Variants in ADK observed in about 807,000 individuals in gnomAD.
ADK encodes N6,N6-dimethyladenosine kinase.
Under a neutral mutation model 44.7 loss-of-function variants are expected in ADK, and 24 were observed. That is an observed-to-expected ratio of 0.54 (90% CI 0.39 to 0.76). The LOEUF (loss-of-function observed/expected upper bound fraction) is 0.76. Among genes scored for constraint, ADK ranks in the 30% least tolerant of loss-of-function variants. ADK has a pLI of 0.00. For synonymous variants in ADK, 128 were observed against 142.6 expected (o/e 0.90, Z 0.73); for missense variants, 321 against 425.1 (o/e 0.76, Z 2.15).
chr10:74,576,964 C>T (rs1211067384), intron 7 of ADK, among the ~76,000 whole-genome samples: 3 of 152,068 alleles, frequency 2.0e-5, no homozygotes, highest in Admixed American at 2.0e-4. Context: ...TTGGCTATTT[C>T]ATTATTAAAT....
chr10:74,657,586 A>C (rs913670580), intron 9 of ADK, among the ~76,000 whole-genome samples: 5 of 152,230 alleles, frequency 3.3e-5, no homozygotes, highest in Non-Finnish European at 7.3e-5. Flanking sequence ...ATGTATAGTG[A>C]GTTCATACTG....
intron 3 of ADK, among the ~76,000 whole-genome samples, chr10:74,258,904 T>C (rs1029310178): frequency 6.6e-6 from 1 of 151,808 alleles, no homozygotes; most frequent in African/African-American, 2.4e-5. Context: ...ATATAAGAAT[T>C]CCTTGAGTGA....
At chr10:74,291,827 G>A (rs1419597567) in intron 3 of ADK, among the ~76,000 whole-genome samples, 3 of 150,916 alleles carry the variant, frequency 2.0e-5, no homozygotes, top group African/African-American at 4.9e-5. Flanking sequence ...ATGATTTCAC[G>A]CTTCAGTTTT....
intron 8 of ADK, among the ~76,000 whole-genome samples, chr10:74,595,060 C>T (rs919661214): frequency 1.3e-5 from 2 of 151,568 alleles, no homozygotes; most frequent in Non-Finnish European, 2.9e-5. Flanking sequence ...GCCTATAATC[C>T]CAGCTACTTG....
intron 6 of ADK, among the ~76,000 whole-genome samples, chr10:74,458,030 T>TAAAATTTTAAAAATTTTAAAA (rs1241384275): frequency 6.8e-6 from 1 of 148,086 alleles, no homozygotes; most frequent in Non-Finnish European, 1.5e-5. Flanking sequence ...AAAATAATAA[T>TAAAATTTTAAAAATTTTAAAA]AAAATTTTAA....
intron 9 of ADK, among the ~76,000 whole-genome samples, chr10:74,669,094 A>G (rs573402979): frequency 3.3e-5 from 5 of 152,308 alleles, no homozygotes; most frequent in East Asian, 1.9e-4. Flanking sequence ...CTCTTCTTGA[A>G]TATCAGTCAT....
At chr10:74,475,193 A>G (rs1449668462) in intron 6 of ADK, among the ~76,000 whole-genome samples, 3 of 152,212 alleles carry the variant, frequency 2.0e-5, no homozygotes, top group Non-Finnish European at 2.9e-5. Flanking sequence ...TTATATCAAT[A>G]GGGCTCATGG....
intron 4 of ADK, among the ~76,000 whole-genome samples, chr10:74,378,456 A>G (rs1406629590): frequency 2.6e-5 from 4 of 152,046 alleles, no homozygotes; most frequent in Admixed American, 2.0e-4. Context: ...TTTTAGTATA[A>G]TTTTCTTCTT....
intron 3 of ADK, among the ~76,000 whole-genome samples, chr10:74,279,151 C>T (rs187643886): frequency 3.3e-5 from 5 of 151,980 alleles, no homozygotes; most frequent in African/African-American, 9.7e-5. Flanking sequence ...TAGTGGTGGG[C>T]GCCTGTAATC....
rs1847830056 is a variant in ADK, at chr10:74,499,799, T to C, written c.556-25457T>C. Among the ~76,000 whole-genome samples the C allele has an allele frequency of 2.0e-5, 3 of 152,358 alleles. No homozygotes were observed. The South Asian group carries it at 6.2e-4, about 32-fold the overall frequency. ...AATTGGAAACAAATTCAGAGCTAATTCAAGACGCCTCTGCCATGTATTTCT... is the reference window on the plus strand; with the variant it reads ...AATTGGAAACAAATTCAGAGCTAATCCAAGACGCCTCTGCCATGTATTTCT... On this transcript the variant is annotated intron_variant, in intron 6 of 10. Coordinates refer to ENST00000539909, the MANE Select transcript of ADK (RefSeq NM_006721.4).
At chr10:74,490,346 A>G (rs1189388628) in intron 6 of ADK, among the ~76,000 whole-genome samples, 1 of 152,122 alleles carries the variant, frequency 6.6e-6, no homozygotes, top group Non-Finnish European at 1.5e-5. Context: ...GCAATTAATG[A>G]TAATGTAGAA....
intron 4 of ADK, among the ~76,000 whole-genome samples, chr10:74,379,326 A>G (rs996459573): frequency 2.6e-5 from 4 of 152,256 alleles, no homozygotes; most frequent in African/African-American, 9.6e-5. Context: ...GTTTGAGAAC[A>G]GGCTTTTCAA....
At chr10:74,176,895 C>T (rs1591810223) in intron 1 of ADK, 4 of 1,610,048 alleles carry the variant, frequency 2.5e-6, no homozygotes, top group East Asian at 4.5e-5. Flanking sequence ...AGGTAACGAG[C>T]GGGCGGCTGC....
intron 7 of ADK, among the ~76,000 whole-genome samples, chr10:74,558,272 A>C (rs951739551): frequency 2.0e-5 from 3 of 152,156 alleles, no homozygotes; most frequent in Non-Finnish European, 4.4e-5. Context: ...TTCATAGCTC[A>C]CTGCAGTCTC....
chr10:74,243,644 G>A (rs145548075), intron 3 of ADK, among the ~76,000 whole-genome samples: 311 of 152,216 alleles, frequency 2.0e-3, no homozygotes, highest in African/African-American at 7.0e-3. Flanking sequence ...ACTTTGGGAG[G>A]TTGAGGCCAG....
At chr10:74,684,127 A>G (rs1855711297) in intron 10 of ADK, among the ~76,000 whole-genome samples, 1 of 152,240 alleles carries the variant, frequency 6.6e-6, no homozygotes. Context: ...AAGTAAAGCC[A>G]TCAGAGGATA....
At chr10:74,333,759 C>T (rs1436381552) in intron 4 of ADK, among the ~76,000 whole-genome samples, 1 of 151,960 alleles carries the variant, frequency 6.6e-6, no homozygotes, top group Admixed American at 6.6e-5. Flanking sequence ...TGATTTAATG[C>T]TTGAATAGGT....
At chr10:74,645,616 T>C (rs910851480) in intron 9 of ADK, among the ~76,000 whole-genome samples, 1 of 152,210 alleles carries the variant, frequency 6.6e-6, no homozygotes, top group Non-Finnish European at 1.5e-5. Context: ...ACTCTAATAG[T>C]AATTGAACTC....
intron 7 of ADK, among the ~76,000 whole-genome samples, chr10:74,583,972 T>C (rs1418076391): frequency 6.6e-6 from 1 of 152,198 alleles, no homozygotes; most frequent in Admixed American, 6.5e-5. Context: ...TTGCAACTTA[T>C]TTCTCCTAGA....
Sources: gnomAD v4.1 joint callset for allele counts (sites outside exome capture counted in the v4.1 genomes callset) on GRCh38, gnomAD v4.1.1 for gene constraint, MANE v1.5 for transcripts, NCBI Gene and HGNC (gene_info 2026-07-23, HGNC 2026-07-21) for gene names.